Variants in EPB41L5 observed in about 807,000 individuals in gnomAD.
EPB41L5 encodes erythrocyte membrane protein band 4.1 like 5.
EPB41L5 carries 55 observed loss-of-function variants against 106.6 expected under a neutral mutation model. That is an observed-to-expected ratio of 0.52 (90% CI 0.42 to 0.65). EPB41L5 has a LOEUF of 0.65. EPB41L5 is among the 30% of genes least tolerant of loss of function. The probability of loss-of-function intolerance (pLI) is 0.00; values close to 1 mark genes in which losing one functional copy is unlikely to be tolerated. For missense variants in EPB41L5, 871 were observed against 882.1 expected (o/e 0.99, Z 0.16); for synonymous variants, 297 against 306.7 (o/e 0.97, Z 0.33).
At chr2:120,084,915 A>T (rs988088617) in intron 10 of EPB41L5, among the ~76,000 whole-genome samples, 5 of 152,180 alleles carry the variant, frequency 3.3e-5, no homozygotes, top group Non-Finnish European at 5.9e-5. Flanking sequence ...CAGTTGATCA[A>T]ATCAGCTACT....
At chr2:120,174,466 C>T (rs1271097603) in intron 24 of EPB41L5, among the ~76,000 whole-genome samples, 1 of 85,678 alleles carries the variant, frequency 1.2e-5, no homozygotes, top group Non-Finnish European at 3.1e-5. Context: ...CCCCGTCTCA[C>T]AGAAAAAAAA....
At chr2:120,121,600 T>C (rs1247489771) in intron 16 of EPB41L5, among the ~76,000 whole-genome samples, 1 of 152,258 alleles carries the variant, frequency 6.6e-6, no homozygotes, top group Admixed American at 6.5e-5. Context: ...CAGTCTATCA[T>C]TGATGGACAT....
At chr2:120,033,256 C>T (rs1174376930) in intron 2 of EPB41L5, among the ~76,000 whole-genome samples, 1 of 152,148 alleles carries the variant, frequency 6.6e-6, no homozygotes, top group African/African-American at 2.4e-5. Context: ...ACTGCATTTA[C>T]TTGTTATCTG....
At chr2:120,039,834 A>G (rs951369503) in intron 2 of EPB41L5, among the ~76,000 whole-genome samples, 136 of 151,490 alleles carry the variant, frequency 9.0e-4, no homozygotes, top group African/African-American at 3.3e-3. Flanking sequence ...TCAGGAAAAA[A>G]AAAAAAAAAA....
At chr2:120,163,704 C>A (rs560899845) in intron 21 of EPB41L5, among the ~76,000 whole-genome samples, 135 of 151,350 alleles carry the variant, frequency 8.9e-4, no homozygotes, top group African/African-American at 3.0e-3. Context: ...CCTGTAATCC[C>A]GGTGCTTTGG....
At position 120,075,543 on chromosome 2, in the gene EPB41L5, T is replaced by G. The variant is rs374710092; in HGVS notation, c.452+23T>G. The G allele has an allele frequency of 2.0e-6, 3 of 1,520,340 alleles. No homozygotes were observed. In the African/African-American group the frequency reaches 4.1e-5, roughly 21 times the overall value. 94.2% of individuals were successfully genotyped at this position (1,520,340 alleles called of 1,614,324 possible). A position where few individuals can be genotyped will look rare whatever the true frequency, so the allele number is the denominator to read the frequency against. The stretch of plus-strand genomic sequence containing the variant: ...AAAGTGAGTATTAGTTATTTAAGGA[T>G]AAATGCACATTTTCGTGAGTGGTTG... On this transcript the variant is annotated intron_variant, in intron 6 of 24. Transcript: ENST00000263713.
chr2:120,111,519 G>C (rs534805105), intron 16 of EPB41L5, among the ~76,000 whole-genome samples: 1 of 152,166 alleles, frequency 6.6e-6, no homozygotes, highest in South Asian at 2.1e-4. Flanking sequence ...GAGAAGCACT[G>C]ACTTAGACCA....
intron 3 of EPB41L5, among the ~76,000 whole-genome samples, chr2:120,060,665 G>GAT (rs1680973773): frequency 1.3e-5 from 2 of 152,168 alleles, no homozygotes; most frequent in Admixed American, 1.3e-4. Flanking sequence ...AGTTCTTCGT[G>GAT]ATAATGGAAT....
chr2:120,075,363 CA>C, intron 5 of EPB41L5, 112 bp from the exon 6 acceptor site: 1 of 779,354 alleles, frequency 1.3e-6, no homozygotes, highest in Non-Finnish European at 2.2e-6. Flanking sequence ...ATCTTTTATA[CA>C]TTAATACAAG....
intron 16 of EPB41L5, chr2:120,105,193 A>C (rs1684378260): frequency 1.0e-6 from 1 of 981,764 alleles, no homozygotes; most frequent in African/African-American, 1.7e-5. Context: ...TAATTAATAG[A>C]AGTGAATTAG....
At chr2:120,040,349 AC>A (rs1679326067) in intron 2 of EPB41L5, among the ~76,000 whole-genome samples, 1 of 152,216 alleles carries the variant, frequency 6.6e-6, no homozygotes. Flanking sequence ...ATTGAGATTG[AC>A]ATCACACTTA....
rs535517855 is a variant in EPB41L5, at chr2:120,125,821, C to CA, written c.1338-1864dup. On this transcript the variant is annotated intron_variant, in intron 16 of 24. Transcript: ENST00000263713. ...CTAGGACTACTGTTACAAGGTACCACAAACTGAACTTTGTCTCAGTAAGAT... is the reference window on the plus strand; with the variant it reads ...CTAGGACTACTGTTACAAGGTACCACAAAACTGAACTTTGTCTCAGTAAGAT... Among the ~76,000 whole-genome samples the CA allele has an allele frequency of 2.6e-4, 39 of 152,264 alleles. No individual in the cohort carries two copies. The East Asian group carries it at 6.0e-3, about 23-fold the overall frequency.
At chr2:120,069,128 C>CAAAAAAAAAAAAA (rs539813602) in intron 3 of EPB41L5, among the ~76,000 whole-genome samples, 7 of 79,550 alleles carry the variant, frequency 8.8e-5, no homozygotes, top group East Asian at 3.7e-4. Context: ...AACTCTGTCT[C>CAAAAAAAAAAAAA]AAAAAAAAAA....
At chr2:120,141,395 A>G (rs1686166943) in intron 18 of EPB41L5, among the ~76,000 whole-genome samples, 1 of 152,116 alleles carries the variant, frequency 6.6e-6, no homozygotes, top group Non-Finnish European at 1.5e-5. Context: ...AGACAAAATC[A>G]GGATCCATGA....
intron 20 of EPB41L5, among the ~76,000 whole-genome samples, chr2:120,156,820 T>C (rs983320123): frequency 6.6e-6 from 1 of 152,178 alleles, no homozygotes; most frequent in African/African-American, 2.4e-5. Context: ...AATAGACTTA[T>C]ACTCCCACAC....
At chr2:120,050,645 A>T (rs776929391) in intron 3 of EPB41L5, among the ~76,000 whole-genome samples, 1 of 152,164 alleles carries the variant, frequency 6.6e-6, no homozygotes, top group Admixed American at 6.5e-5. Flanking sequence ...TCTGAAGCCT[A>T]CTTCTCGCAA....
chr2:120,068,621 A>G (rs1273910714), intron 3 of EPB41L5, among the ~76,000 whole-genome samples: 2 of 152,198 alleles, frequency 1.3e-5, no homozygotes, highest in Admixed American at 6.5e-5. Flanking sequence ...CCCATGTCAT[A>G]ATGACAGGAT....
intron 3 of EPB41L5, among the ~76,000 whole-genome samples, chr2:120,047,377 A>AT (rs1320276876): frequency 3.3e-5 from 5 of 152,026 alleles, no homozygotes; most frequent in Non-Finnish European, 7.4e-5. Flanking sequence ...GGTCCTTCAC[A>AT]TCCCTTGTAA....
chr2:120,029,082 G>A (rs144297528), intron 2 of EPB41L5, among the ~76,000 whole-genome samples: 1 of 152,110 alleles, frequency 6.6e-6, no homozygotes, highest in Admixed American at 6.6e-5. Context: ...GAGATAGCAC[G>A]GCAGTTGGAG....
Sources: gnomAD v4.1 joint callset for allele counts (sites outside exome capture counted in the v4.1 genomes callset) on GRCh38, gnomAD v4.1.1 for gene constraint, MANE v1.5 for transcripts, NCBI Gene and HGNC (gene_info 2026-07-23, HGNC 2026-07-21) for gene names.